Variants in H2AC11 observed in about 807,000 individuals in gnomAD.
H2AC11 encodes the protein H2A clustered histone 11.
In H2AC11, 8 loss-of-function variants were observed where a neutral mutation model predicts 5.9. The ratio of observed to expected loss-of-function variants is 1.35; its 90% CI spans 0.79 to 2.44. The LOEUF is 2.44. Among genes scored for constraint, H2AC11 ranks in the 30% most tolerant of loss-of-function variants. The pLI, the probability that H2AC11 is intolerant of heterozygous loss-of-function variation, is 0.00. For missense variants in H2AC11, 189 were observed against 178.6 expected, an observed-to-expected ratio of 1.06 and a Z score of -0.33; for synonymous variants, 161 against 81.9, an observed-to-expected ratio of 1.96 and a Z score of -5.21.
chr6:27,133,076 C>A lies in H2AC11; in HGVS notation c.5C>A (p.Ser2Tyr). Reference sequence around the variant, plus strand: ...TCGTAGTGAGTTGCGCTCGCTATGTCTGGACGTGGCAAGCAGGGAGGCAAA... The same window carrying A: ...TCGTAGTGAGTTGCGCTCGCTATGTATGGACGTGGCAAGCAGGGAGGCAAA... Reference protein sequence around the residue: MSGRGKQGGKAR... With the variant: MYGRGKQGGKAR... The change falls in exon 1 of 1, where the codon TCT (serine) becomes TAT (tyrosine). Residue 2 changes from serine (S) to tyrosine (Y), a missense_variant. Ser to Tyr is a moderately radical substitution (Grantham distance 144). Coordinates refer to ENST00000359193, the MANE Select transcript of H2AC11 (RefSeq NM_021064.5). 3 of 1,610,968 alleles carry A rather than the reference C, an allele frequency of 1.9e-6. No individual in the cohort carries two copies. The highest frequency in any genetic ancestry group is 2.2e-5 in the East Asian group (1 of 44,830).
rs749200125 is a variant in H2AC11, at chr6:27,133,148, TC to T, written c.81del (p.Val28TrpfsTer32). ...KTRSSRAGLQ[F>X]PVGRVHRLLR... ...CGCTCTTCTAGGGCCGGTCTCCAGTTCCCCGTGGGCCGAGTGCACCGCCTGC... is the reference window on the plus strand; with the variant it reads ...CGCTCTTCTAGGGCCGGTCTCCAGTTCCCGTGGGCCGAGTGCACCGCCTGC... On this transcript the variant is annotated frameshift_variant, in exon 1 of 1. Transcript: ENST00000359193. LOFTEE classifies it high-confidence loss of function. 6.2e-7 allele frequency: 1 copy of T among 1,613,968 alleles called. No homozygotes were observed. Among genetic ancestry groups the T allele is most frequent in the African/African-American group, 1.3e-5 (1 of 75,004 alleles).
chr6:27,133,217 C>T lies in H2AC11; in HGVS notation c.146C>T (p.Pro49Leu). 1.2e-6 allele frequency: 2 copies of T among 1,614,102 alleles called. No homozygotes were observed. The highest frequency in any genetic ancestry group is 1.7e-6 in the Non-Finnish European group (2 of 1,180,010). The stretch of plus-strand genomic sequence containing the variant: ...GCCGAGCGGGTCGGGGCCGGCGCGC[C>T]GGTGTATCTGGCAGCGGTGCTGGAG... ...NYAERVGAGA[P>L]VYLAAVLEYL... is the part of the protein sequence containing the mutation. The change falls in exon 1 of 1, where the codon CCG becomes CTG. Residue 49 changes from proline to leucine, a missense_variant. Physicochemically the swap from Pro to Leu is moderately conservative, Grantham distance 98 (BLOSUM62 -3). Transcript: ENST00000359193.
rs200630776 is a variant in H2AC11 at position 27,133,276 on chromosome 6, A to G, written c.205A>G (p.Asn69Asp). The change falls in exon 1 of 1, where the codon AAC becomes GAC. Residue 69 changes from asparagine to aspartate, a missense_variant. Asn to Asp is a conservative substitution (Grantham distance 23, BLOSUM62 1). Coordinates refer to ENST00000359193, the MANE Select transcript of H2AC11 (RefSeq NM_021064.5). The part of the protein sequence containing the change: ...LTAEILELAG[N>D]AARDNKKTRI... ...CGCCGAGATCCTGGAACTGGCGGGC[A>G]ACGCGGCCCGCGACAACAAGAAGAC... 1 of 1,613,902 alleles carries G rather than the reference A, an allele frequency of 6.2e-7. No individual in the cohort carries two copies. The highest frequency in any genetic ancestry group is 1.7e-5 in the Admixed American group (1 of 60,006).
chr6:27,133,486 A>G lies in H2AC11; in HGVS notation c.*22A>G, dbSNP rs376008923. The G allele has an allele frequency of 5.0e-6, 8 of 1,600,914 alleles. No homozygotes were observed. In the Admixed American group the frequency reaches 6.8e-5, roughly 14 times the overall value. ...GTAACTATCTGTACTAGTTTGTGGCAGCTCAAGTAAAATCGAGTCCAAACC... is the reference window on the plus strand; with the variant it reads ...GTAACTATCTGTACTAGTTTGTGGCGGCTCAAGTAAAATCGAGTCCAAACC... On this transcript the variant is annotated 3_prime_UTR_variant, in exon 1 of 1. Coordinates refer to ENST00000359193, the MANE Select transcript of H2AC11 (RefSeq NM_021064.5).
rs1236844338 is a variant in H2AC11, at chr6:27,133,062, T to C, written c.-10T>C. 6.2e-7 allele frequency: 1 copy of C among 1,602,324 alleles called. No individual in the cohort carries two copies. The highest frequency in any genetic ancestry group is 8.5e-7 in the Non-Finnish European group (1 of 1,173,408). ...CACTTTGTGGTTGCTCGTAGTGAGTTGCGCTCGCTATGTCTGGACGTGGCA... is the reference window on the plus strand; with the variant it reads ...CACTTTGTGGTTGCTCGTAGTGAGTCGCGCTCGCTATGTCTGGACGTGGCA... On this transcript the variant is annotated 5_prime_UTR_variant, in exon 1 of 1. Transcript: ENST00000359193.
rs751986308 is a variant in H2AC11, at chr6:27,133,452, G to A, written c.381G>A (p.Ala127=). 107 of 1,613,922 alleles carry A rather than the reference G, an allele frequency of 6.6e-5. 2 individuals are homozygous for A. The highest frequency in any genetic ancestry group is 4.4e-4 in the South Asian group (40 of 91,088). The change falls in exon 1 of 1, where the codon GCG becomes GCA. Residue 127 remains alanine, a synonymous_variant. Transcript: ENST00000359193. ...LPKKTESHHK[A]KGK ...AAAAGACTGAGAGCCACCACAAGGC[G>A]AAGGGCAAGTAACTATCTGTACTAG...
rs780468536 is a variant in H2AC11 at position 27,133,173 on chromosome 6, G to A, written c.102G>A (p.Leu34=). ...LQFPVGRVHR[L]LRKGNYAERV... ...TCCCCGTGGGCCGAGTGCACCGCCT[G>A]CTCCGCAAAGGCAACTATGCCGAGC... Residue 34 remains leucine, a synonymous_variant, in exon 1 of 1, where the codon CTG becomes CTA. Transcript: ENST00000359193. 3.1e-6 allele frequency: 5 copies of A among 1,614,006 alleles called. No individual in the cohort carries two copies. In the African/African-American group the frequency reaches 4.0e-5, roughly 13 times the overall value.
rs1759889624 is a variant in H2AC11, at chr6:27,133,529, C to T, written c.*65C>T. 6.5e-7 allele frequency: 1 copy of T among 1,545,210 alleles called. No homozygotes were observed. The highest frequency in any genetic ancestry group is 8.8e-7 in the Non-Finnish European group (1 of 1,138,976). On this transcript the variant is annotated 3_prime_UTR_variant, in exon 1 of 1. Coordinates refer to ENST00000359193, the MANE Select transcript of H2AC11 (RefSeq NM_021064.5). ...TCCAAACCAACGGCTCTTTTCAGGG[C>T]CACCCACGTCTTCTCTAAAAGAACT... is the stretch of plus-strand genomic sequence containing the variant.
Position 27,133,127 on chromosome 6 carries a change from C to G in H2AC11, c.56C>G (p.Ser19Cys). 1.2e-6 allele frequency: 2 copies of G among 1,614,066 alleles called. No individual in the cohort carries two copies. The highest frequency in any genetic ancestry group is 1.7e-6 in the Non-Finnish European group (2 of 1,179,984). The change falls in exon 1 of 1, where the codon TCT becomes TGT. Residue 19 changes from serine (S) to cysteine (C), a missense_variant. Ser to Cys is a moderately radical substitution (Grantham distance 112, BLOSUM62 -1). Coordinates refer to ENST00000359193, the MANE Select transcript of H2AC11 (RefSeq NM_021064.5). ...GCCCGCGCTAAGGCCAAGACTCGCTCTTCTAGGGCCGGTCTCCAGTTCCCC... is the reference window on the plus strand; with the variant it reads ...GCCCGCGCTAAGGCCAAGACTCGCTGTTCTAGGGCCGGTCTCCAGTTCCCC... ...GKARAKAKTR[S>C]SRAGLQFPVG...
At position 27,133,053 on chromosome 6, in the gene H2AC11, G is replaced by T; in HGVS notation, c.-19G>T. 6.3e-7 allele frequency: 1 copy of T among 1,595,052 alleles called. No individual in the cohort carries two copies. The highest frequency in any genetic ancestry group is 1.1e-5 in the South Asian group (1 of 89,082). ...TTTCCCGTTCACTTTGTGGTTGCTC[G>T]TAGTGAGTTGCGCTCGCTATGTCTG... is the stretch of plus-strand genomic sequence containing the variant. On this transcript the variant is annotated 5_prime_UTR_variant, in exon 1 of 1. Coordinates refer to ENST00000359193, the MANE Select transcript of H2AC11 (RefSeq NM_021064.5).
chr6:27,133,353 C>T lies in H2AC11; in HGVS notation c.282C>T (p.Leu94=), dbSNP rs144023288. The change falls in exon 1 of 1, where the codon CTC becomes CTT. Residue 94 remains leucine, a synonymous_variant. Coordinates refer to ENST00000359193, the MANE Select transcript of H2AC11 (RefSeq NM_021064.5). The part of the protein sequence containing the change: ...LQLAIRNDEE[L]NKLLGKVTIA... ...TGGCCATCCGCAACGACGAGGAGCT[C>T]AACAAGCTGCTGGGCAAAGTCACCA... is the stretch of plus-strand genomic sequence containing the variant. The T allele has an allele frequency of 1.8e-5, 29 of 1,614,090 alleles. No individual in the cohort carries two copies. Among genetic ancestry groups the T allele is most frequent in the Admixed American group, 5.0e-5 (3 of 60,008 alleles).
At position 27,133,055 on chromosome 6, in the gene H2AC11, AGT is replaced by A; in HGVS notation, c.-15_-14del. ...TCCCGTTCACTTTGTGGTTGCTCGT[AGT>A]GAGTTGCGCTCGCTATGTCTGGACG... On this transcript the variant is annotated 5_prime_UTR_variant, in exon 1 of 1. Transcript: ENST00000359193. The A allele has an allele frequency of 3.8e-6, 6 of 1,595,798 alleles. No individual in the cohort carries two copies. Among genetic ancestry groups the A allele is most frequent in the Non-Finnish European group, 4.3e-6 (5 of 1,170,686 alleles).
Position 27,133,444 on chromosome 6 carries a change from C to A in H2AC11, c.373C>A (p.His125Asn). 6.2e-7 allele frequency: 1 copy of A among 1,614,122 alleles called. No individual in the cohort carries two copies. Among genetic ancestry groups the A allele is most frequent in the Non-Finnish European group, 8.5e-7 (1 of 1,179,950 alleles). The change falls in exon 1 of 1, where the codon CAC becomes AAC. Residue 125 changes from histidine (H) to asparagine (N), a missense_variant. By Grantham distance (68) the His-to-Asn change is moderately conservative. Transcript: ENST00000359193. ...ACTGCCCAAAAAGACTGAGAGCCAC[C>A]ACAAGGCGAAGGGCAAGTAACTATC... Reference protein sequence around the residue: ...VLLPKKTESHHKAKGK With the variant: ...VLLPKKTESHNKAKGK
At position 27,133,061 on chromosome 6, in the gene H2AC11, T is replaced by C. The variant is rs779686946; in HGVS notation, c.-11T>C. Reference sequence around the variant, plus strand: ...TCACTTTGTGGTTGCTCGTAGTGAGTTGCGCTCGCTATGTCTGGACGTGGC... The same window carrying C: ...TCACTTTGTGGTTGCTCGTAGTGAGCTGCGCTCGCTATGTCTGGACGTGGC... On this transcript the variant is annotated 5_prime_UTR_variant, in exon 1 of 1. Coordinates refer to ENST00000359193, the MANE Select transcript of H2AC11 (RefSeq NM_021064.5). 9 of 1,601,604 alleles carry C rather than the reference T, an allele frequency of 5.6e-6. No individual in the cohort carries two copies. The South Asian group carries it at 1.0e-4, about 18-fold the overall frequency.
chr6:27,133,258 A>G lies in H2AC11; in HGVS notation c.187A>G (p.Ile63Val). 4 of 1,614,126 alleles carry G rather than the reference A, an allele frequency of 2.5e-6. No individual in the cohort carries two copies. Among genetic ancestry groups the G allele is most frequent in the Non-Finnish European group, 3.4e-6 (4 of 1,180,042 alleles). Residue 63 changes from isoleucine to valine, a missense_variant, in exon 1 of 1, where the codon ATC becomes GTC. By Grantham distance (29) the Ile-to-Val change is conservative. Coordinates refer to ENST00000359193, the MANE Select transcript of H2AC11 (RefSeq NM_021064.5). ...AAVLEYLTAE[I>V]LELAGNAARD... ...GGTGCTGGAGTACCTGACCGCCGAGATCCTGGAACTGGCGGGCAACGCGGC... is the reference window on the plus strand; with the variant it reads ...GGTGCTGGAGTACCTGACCGCCGAGGTCCTGGAACTGGCGGGCAACGCGGC...
rs780939354 is a variant in H2AC11 at position 27,133,261 on chromosome 6, C to A, written c.190C>A (p.Leu64Met). 2 of 1,614,080 alleles carry A rather than the reference C, an allele frequency of 1.2e-6. No homozygotes were observed. The highest frequency in any genetic ancestry group is 2.2e-5 in the South Asian group (2 of 91,086). Residue 64 changes from leucine (L) to methionine (M), a missense_variant, in exon 1 of 1, where the codon CTG becomes ATG. Transcript: ENST00000359193. ...AVLEYLTAEI[L>M]ELAGNAARDN... ...GCTGGAGTACCTGACCGCCGAGATC[C>A]TGGAACTGGCGGGCAACGCGGCCCG...
In H2AC11 at chr6:27,133,327, C is replaced by CTGGCCATCCGCAA. The variant is rs761037958; in HGVS notation, c.257_269dup (p.Asp91GlyfsTer36). ...CCGCATCATCCCGCGTCATCTCCAA[C>CTGGCCATCCGCAA]TGGCCATCCGCAACGACGAGGAGCT... On this transcript the variant is annotated frameshift_variant, in exon 1 of 1. Transcript: ENST00000359193. LOFTEE classifies it high-confidence loss of function. 6.2e-7 allele frequency: 1 copy of CTGGCCATCCGCAA among 1,614,212 alleles called. No individual in the cohort carries two copies. Among genetic ancestry groups the CTGGCCATCCGCAA allele is most frequent in the Admixed American group, 1.7e-5 (1 of 60,022 alleles).
Position 27,133,450 on chromosome 6 carries a change from G to C in H2AC11, c.379G>C (p.Ala127Pro). The change falls in exon 1 of 1, where the codon GCG (alanine) becomes CCG (proline). Residue 127 changes from alanine to proline, a missense_variant. Coordinates refer to ENST00000359193, the MANE Select transcript of H2AC11 (RefSeq NM_021064.5). ...CAAAAAGACTGAGAGCCACCACAAG[G>C]CGAAGGGCAAGTAACTATCTGTACT... ...LPKKTESHHKAKGK is the reference protein window; with the variant it reads ...LPKKTESHHKPKGK 3 of 1,614,122 alleles carry C rather than the reference G, an allele frequency of 1.9e-6. No individual in the cohort carries two copies. The highest frequency in any genetic ancestry group is 2.5e-6 in the Non-Finnish European group (3 of 1,179,916).
Position 27,133,125 on chromosome 6 carries a change from C to A in H2AC11, c.54C>A (p.Arg18=), listed in dbSNP as rs147278636. The A allele has an allele frequency of 1.2e-6, 2 of 1,614,022 alleles. No individual in the cohort carries two copies. The highest frequency in any genetic ancestry group is 2.2e-5 in the South Asian group (2 of 91,062). The change falls in exon 1 of 1, where the codon CGC becomes CGA. Residue 18 remains arginine, a synonymous_variant. Coordinates refer to ENST00000359193, the MANE Select transcript of H2AC11 (RefSeq NM_021064.5). ...GGKARAKAKT[R]SSRAGLQFPV... ...AAGCCCGCGCTAAGGCCAAGACTCG[C>A]TCTTCTAGGGCCGGTCTCCAGTTCC...
Sources: allele counts gnomAD v4.1 joint callset, GRCh38; gene constraint gnomAD v4.1.1; transcripts MANE v1.5; gene names NCBI Gene and HGNC (gene_info 2026-07-23, HGNC 2026-07-21).